The following CLNK variants were observed in gnomAD, a reference collection of about 807,000 sequenced individuals.
The protein encoded by CLNK is cytokine dependent hematopoietic cell linker, also known as cytokine-dependent hematopoietic cell linker.
A neutral mutation model predicts 68.6 loss-of-function variants in CLNK; 74 were observed. The ratio of observed to expected loss-of-function variants is 1.08; its 90% CI spans 0.89 to 1.31. CLNK has a LOEUF of 1.31. CLNK is among the 50% of genes most tolerant of loss of function. CLNK has a pLI of 0.00. For synonymous variants in CLNK, 198 were observed against 172.2 expected, an observed-to-expected ratio of 1.15 and a Z score of -1.17; for missense variants, 553 against 515.3, an observed-to-expected ratio of 1.07 and a Z score of -0.71.
intron 10 of CLNK, among the ~76,000 whole-genome samples, chr4:10,540,910 A>G (rs917743392): frequency 6.6e-6 from 1 of 152,054 alleles, no homozygotes; most frequent in Non-Finnish European, 1.5e-5. Context: ...TTTTAGAACT[A>G]CCCAAATAAA....
intron 4 of CLNK, among the ~76,000 whole-genome samples, chr4:10,579,213 C>A (rs1415252989): frequency 6.6e-6 from 1 of 152,196 alleles, no homozygotes; most frequent in African/African-American, 2.4e-5. Flanking sequence ...TTTCCCCTGG[C>A]AGGTTCCAAA....
At chr4:10,621,189 C>T (rs1722441077) in intron 2 of CLNK, among the ~76,000 whole-genome samples, 2 of 152,150 alleles carry the variant, frequency 1.3e-5, no homozygotes, top group African/African-American at 4.8e-5. Context: ...TTCTGTTTGG[C>T]TCAAAGCCCA....
At chr4:10,664,938 G>A (rs541634857) in intron 2 of CLNK, among the ~76,000 whole-genome samples, 2 of 152,228 alleles carry the variant, frequency 1.3e-5, no homozygotes, top group Non-Finnish European at 2.9e-5. Flanking sequence ...GGGCAGGCCA[G>A]CAGCAATCCC....
chr4:10,696,391 C>T, the CLNK span, among the ~76,000 whole-genome samples: 433 of 152,320 alleles, frequency 2.8e-3, 4 homozygotes, highest in African/African-American at 9.4e-3. Flanking sequence ...CTGATGTCTA[C>T]GCCTTAAGCT....
chr4:10,630,677 CTCAT>C (rs1438022863), intron 2 of CLNK, among the ~76,000 whole-genome samples: 2 of 152,246 alleles, frequency 1.3e-5, no homozygotes, highest in African/African-American at 2.4e-5. Context: ...ATCCTTCTTT[CTCAT>C]TCATTCAGTC....
Position 10,490,400 on chromosome 4 carries a change from C to T in CLNK, c.*67G>A. ...GTCCCTTGAAGGCACAGAAAATAAA[C>T]TTTTGAAATCAATGAAAACAATGGA... On this transcript the variant is annotated 3_prime_UTR_variant, in exon 19 of 19. Coordinates refer to ENST00000226951, the MANE Select transcript of CLNK (RefSeq NM_052964.4). The T allele has an allele frequency of 6.5e-7, 1 of 1,534,644 alleles. No homozygotes were observed. The highest frequency in any genetic ancestry group is 1.3e-5 in the South Asian group (1 of 79,260).
At chr4:10,711,321 C>T in the CLNK span, among the ~76,000 whole-genome samples, 1 of 152,174 alleles carries the variant, frequency 6.6e-6, no homozygotes, top group East Asian at 1.9e-4. Flanking sequence ...ATCAATTTCC[C>T]TTTGCAAAAA....
chr4:10,723,666 C>A, the CLNK span, among the ~76,000 whole-genome samples: 1 of 152,246 alleles, frequency 6.6e-6, no homozygotes, highest in Non-Finnish European at 1.5e-5. Flanking sequence ...CATTGAGACC[C>A]TTGTGCGGTA....
At chr4:10,664,214 T>C (rs1368566205) in intron 2 of CLNK, among the ~76,000 whole-genome samples, 1 of 120,376 alleles carries the variant, frequency 8.3e-6, no homozygotes, top group Non-Finnish European at 1.8e-5. Flanking sequence ...TTACATTCAG[T>C]TGAGCATTAA....
chr4:10,733,382 A>C, the CLNK span, among the ~76,000 whole-genome samples: 45 of 152,098 alleles, frequency 3.0e-4, no homozygotes, highest in Non-Finnish European at 5.0e-4. Flanking sequence ...GGGCCAGGTG[A>C]GTCTTAAGAA....
intron 11 of CLNK, among the ~76,000 whole-genome samples, chr4:10,535,837 G>A (rs552715913): frequency 6.6e-6 from 1 of 151,830 alleles, no homozygotes; most frequent in Admixed American, 6.6e-5. Flanking sequence ...TATTTAAGTT[G>A]AAAAAAATGA....
At chr4:10,508,919 C>T (rs10014463) in intron 16 of CLNK, among the ~76,000 whole-genome samples, 24,282 of 151,848 alleles carry the variant, frequency 0.16, 2,306 homozygotes, top group East Asian at 0.36. Flanking sequence ...CCATCCTGGC[C>T]AACATGGTGA....
chr4:10,692,335 C>A, the CLNK span, among the ~76,000 whole-genome samples: 2 of 152,152 alleles, frequency 1.3e-5, no homozygotes, highest in Non-Finnish European at 2.9e-5. Context: ...ATCACTTGCC[C>A]TTGCCAGTAT....
the CLNK span, among the ~76,000 whole-genome samples, chr4:10,699,512 A>AT: frequency 0.011 from 356 of 32,724 alleles, 11 homozygotes; most frequent in African/African-American, 0.019. Flanking sequence ...ATATATATAT[A>AT]TTTTTTTTTT....
intron 2 of CLNK, among the ~76,000 whole-genome samples, chr4:10,660,634 G>A (rs2108888486): frequency 6.6e-6 from 1 of 152,306 alleles, no homozygotes; most frequent in Non-Finnish European, 1.5e-5. Context: ...GTCAGTAGGA[G>A]ATTTTGTTCA....
At chr4:10,597,679 G>T (rs1721437069) in intron 3 of CLNK, among the ~76,000 whole-genome samples, 1 of 152,134 alleles carries the variant, frequency 6.6e-6, no homozygotes, top group Non-Finnish European at 1.5e-5. Context: ...AGGAATAGAA[G>T]CCTCTCCATC....
At chr4:10,681,435 A>G (rs1372128924) in intron 1 of CLNK, among the ~76,000 whole-genome samples, 2 of 152,168 alleles carry the variant, frequency 1.3e-5, no homozygotes, top group African/African-American at 4.8e-5. Context: ...ACGAAATTGA[A>G]CACAGAACCT....
intron 2 of CLNK, among the ~76,000 whole-genome samples, chr4:10,657,760 A>T (rs892578531): frequency 6.6e-6 from 1 of 152,190 alleles, no homozygotes; most frequent in African/African-American, 2.4e-5. Context: ...GATTTTAAAA[A>T]TTGTCAGCCA....
intron 2 of CLNK, among the ~76,000 whole-genome samples, chr4:10,667,623 C>T (rs974538353): frequency 6.6e-6 from 1 of 151,510 alleles, no homozygotes; most frequent in Non-Finnish European, 1.5e-5. Context: ...CTTGTCCCTG[C>T]CCACCACACA....
Sources: gnomAD v4.1 joint callset for allele counts (sites outside exome capture counted in the v4.1 genomes callset) on GRCh38, gnomAD v4.1.1 for gene constraint, MANE v1.5 for transcripts, NCBI Gene and HGNC (gene_info 2026-07-23, HGNC 2026-07-21) for gene names.